The following FMNL2 variants were observed in gnomAD, a reference collection of about 807,000 sequenced individuals.
The protein encoded by FMNL2 is formin like 2.
Under a neutral mutation model 130.2 loss-of-function variants are expected in FMNL2, and 51 were observed. The observed-to-expected ratio is 0.39, with a 90% CI of 0.31 to 0.49. The LOEUF is 0.49. Among genes scored for constraint, FMNL2 ranks in the 20% least tolerant of loss-of-function variants. The pLI is 0.85. For missense variants in FMNL2, 977 were observed against 1,316.2 expected, an observed-to-expected ratio of 0.74 and a Z score of 3.99; for synonymous variants, 465 against 467.1, an observed-to-expected ratio of 1.00 and a Z score of 0.06.
chr2:152,525,862 C>T (rs1040670732), intron 2 of FMNL2, among the ~76,000 whole-genome samples: 4 of 152,100 alleles, frequency 2.6e-5, no homozygotes, highest in Non-Finnish European at 5.9e-5. Flanking sequence ...GAGGTGATCT[C>T]TTGTCTTTTT....
At chr2:152,363,647 C>T (rs551674645) in intron 1 of FMNL2, among the ~76,000 whole-genome samples, 16 of 152,186 alleles carry the variant, frequency 1.1e-4, no homozygotes, top group Admixed American at 3.9e-4. Flanking sequence ...CTGCAACTTC[C>T]GCTTCCTGGG....
At chr2:152,502,900 T>TG in intron 1 of FMNL2, among the ~76,000 whole-genome samples, 1 of 151,872 alleles carries the variant, frequency 6.6e-6, no homozygotes, top group South Asian at 2.1e-4. Flanking sequence ...GTATGGAGGT[T>TG]GGAGGTTGGA....
rs572581425 is a variant in FMNL2 at position 152,494,748 on chromosome 2, G to A, written c.118-27195G>A. Reference sequence around the variant, plus strand: ...TCAAAATAAAAAGTTAGATGTAGTGGTCCTTTCTCATGTGCCTTGACTATT... The same window carrying A: ...TCAAAATAAAAAGTTAGATGTAGTGATCCTTTCTCATGTGCCTTGACTATT... On this transcript the variant is annotated intron_variant, in intron 1 of 25. Transcript: ENST00000288670. 2.0e-5 allele frequency among the ~76,000 whole-genome samples: 3 copies of A among 152,182 alleles called. No individual in the cohort carries two copies. The South Asian group carries it at 6.2e-4, about 32-fold the overall frequency.
At chr2:152,396,920 G>T (rs1273044661) in intron 1 of FMNL2, among the ~76,000 whole-genome samples, 2 of 152,150 alleles carry the variant, frequency 1.3e-5, no homozygotes, top group Non-Finnish European at 2.9e-5. Flanking sequence ...CTAAATGCCT[G>T]TCTTGCTTAA....
Position 152,553,540 on chromosome 2 carries a change from A to ATT in FMNL2, c.359+4458_359+4459dup, listed in dbSNP as rs568985282. 1.5e-3 allele frequency among the ~76,000 whole-genome samples: 187 copies of ATT among 126,356 alleles called. 1 individual carries two copies. In the East Asian group the frequency reaches 0.03, roughly 20 times the overall value. The allele number at this position is 126,356 out of a possible 152,430, so 82.9% of individuals were successfully genotyped here. A position where few individuals can be genotyped will look rare whatever the true frequency, so the allele number is the denominator to read the frequency against. ...TTATTACTAAACCAGCAATTCTCACATTTTTTTTTTTTTTTTGGTTTTAGA... is the reference window on the plus strand; with the variant it reads ...TTATTACTAAACCAGCAATTCTCACATTTTTTTTTTTTTTTTTTGGTTTTAGA... On this transcript the variant is annotated intron_variant, in intron 4 of 25. Transcript: ENST00000288670.
chr2:152,554,182 G>A (rs1451091079), intron 4 of FMNL2, among the ~76,000 whole-genome samples: 1 of 152,194 alleles, frequency 6.6e-6, no homozygotes, highest in Non-Finnish European at 1.5e-5. Flanking sequence ...AAGGTGGGCA[G>A]GATGGCTTGA....
At chr2:152,409,988 G>T (rs768545842) in intron 1 of FMNL2, among the ~76,000 whole-genome samples, 30 of 152,166 alleles carry the variant, frequency 2.0e-4, no homozygotes, top group Non-Finnish European at 3.4e-4. Context: ...GACAAAACGA[G>T]TAGGAAAAAG....
At chr2:152,610,606 G>A (rs1698624059) in intron 10 of FMNL2, among the ~76,000 whole-genome samples, 1 of 152,188 alleles carries the variant, frequency 6.6e-6, no homozygotes, top group African/African-American at 2.4e-5. Flanking sequence ...TCAAGATCAC[G>A]TTGTAACATG....
intron 1 of FMNL2, among the ~76,000 whole-genome samples, chr2:152,442,376 C>G (rs1460438724): frequency 1.3e-5 from 2 of 152,060 alleles, no homozygotes; most frequent in East Asian, 3.9e-4. Flanking sequence ...CTCAACCTCC[C>G]TAGTAGCTGG....
At chr2:152,402,311 A>C (rs1685750756) in intron 1 of FMNL2, among the ~76,000 whole-genome samples, 1 of 152,180 alleles carries the variant, frequency 6.6e-6, no homozygotes. Context: ...GGCGGAGTGG[A>C]GGGGAACCTG....
chr2:152,402,148 C>T (rs1003635157), intron 1 of FMNL2, among the ~76,000 whole-genome samples: 51 of 152,162 alleles, frequency 3.4e-4, no homozygotes, highest in African/African-American at 1.1e-3. Flanking sequence ...ATGATCCGCC[C>T]GCCTTGGCCT....
intron 2 of FMNL2, among the ~76,000 whole-genome samples, chr2:152,530,835 A>G (rs1396909962): frequency 1.3e-5 from 2 of 152,214 alleles, no homozygotes; most frequent in African/African-American, 4.8e-5. Flanking sequence ...GTAAAACAAC[A>G]TTTATTTAGG....
chr2:152,568,858 G>A (rs555561795), intron 6 of FMNL2, among the ~76,000 whole-genome samples: 80 of 152,278 alleles, frequency 5.3e-4, no homozygotes, highest in Non-Finnish European at 8.7e-4. Context: ...AGTTCAAAGT[G>A]TGATTTGGGT....
chr2:152,439,800 C>T (rs1032690926), intron 1 of FMNL2, among the ~76,000 whole-genome samples: 2 of 148,294 alleles, frequency 1.3e-5, no homozygotes, highest in Admixed American at 6.8e-5. Flanking sequence ...TTAATTTGGT[C>T]TAGTATGCCG....
At chr2:152,600,047 G>C (rs1055941852) in intron 9 of FMNL2, among the ~76,000 whole-genome samples, 1 of 152,156 alleles carries the variant, frequency 6.6e-6, no homozygotes, top group Non-Finnish European at 1.5e-5. Context: ...CCCTCATATA[G>C]CCCTCAGACT....
At chr2:152,450,437 T>A (rs935217485) in intron 1 of FMNL2, among the ~76,000 whole-genome samples, 36 of 152,234 alleles carry the variant, frequency 2.4e-4, no homozygotes, top group Non-Finnish European at 4.4e-5. Flanking sequence ...TGTTTTGTAG[T>A]TACAGCAGTT....
intron 1 of FMNL2, among the ~76,000 whole-genome samples, chr2:152,487,415 C>A (rs889539209): frequency 9.2e-5 from 14 of 152,126 alleles, no homozygotes; most frequent in Non-Finnish European, 1.8e-4. Flanking sequence ...AAAGATAAAA[C>A]CTAATACTGA....
intron 1 of FMNL2, among the ~76,000 whole-genome samples, chr2:152,501,482 T>C (rs993126120): frequency 6.6e-6 from 1 of 152,216 alleles, no homozygotes; most frequent in African/African-American, 2.4e-5. Flanking sequence ...ATGAAGGCTC[T>C]ATTCAATTGT....
chr2:152,550,997 G>C (rs1694906563), intron 4 of FMNL2, among the ~76,000 whole-genome samples: 1 of 152,056 alleles, frequency 6.6e-6, no homozygotes, highest in Non-Finnish European at 1.5e-5. Flanking sequence ...AAATTAGCCA[G>C]GCATGGTGGT....
Sources: allele counts gnomAD v4.1 joint callset (sites outside exome capture counted in the v4.1 genomes callset), GRCh38; gene constraint gnomAD v4.1.1; transcripts MANE v1.5; gene names NCBI Gene and HGNC (gene_info 2026-07-23, HGNC 2026-07-21).